The following PRKG1 variants were observed in gnomAD, a reference collection of about 807,000 sequenced individuals.
PRKG1 encodes the protein protein kinase cGMP-dependent 1, also known as cGMP-dependent protein kinase 1.
Under a neutral mutation model 88.1 loss-of-function variants are expected in PRKG1, and 35 were observed. That is an observed-to-expected ratio of 0.40 (90% CI 0.30 to 0.53). The LOEUF (loss-of-function observed/expected upper bound fraction) is 0.53, where lower values mean the gene tolerates loss of function less well. Ranked by LOEUF, PRKG1 falls within the 20% of genes least tolerant of loss-of-function variation. The probability of loss-of-function intolerance (pLI) is 0.59; values close to 1 mark genes in which losing one functional copy is unlikely to be tolerated. For missense variants in PRKG1, 540 were observed against 839.8 expected, an observed-to-expected ratio of 0.64 and a Z score of 4.41; for synonymous variants, 303 against 292.5, an observed-to-expected ratio of 1.04 and a Z score of -0.37.
intron 3 of PRKG1, among the ~76,000 whole-genome samples, chr10:51,561,246 T>C (rs1837453630): frequency 6.6e-6 from 1 of 151,932 alleles, no homozygotes; most frequent in Admixed American, 6.6e-5. Flanking sequence ...AAGAGAATCA[T>C]GTGAGCCTGG....
At chr10:51,647,368 G>A (rs555862858) in intron 3 of PRKG1, among the ~76,000 whole-genome samples, 7 of 152,268 alleles carry the variant, frequency 4.6e-5, no homozygotes, top group African/African-American at 1.7e-4. Context: ...AGGTTTGTAA[G>A]GACCTAATTC....
At chr10:51,483,229 C>T (rs1218923087) in intron 3 of PRKG1, among the ~76,000 whole-genome samples, 1 of 152,002 alleles carries the variant, frequency 6.6e-6, no homozygotes, top group Non-Finnish European at 1.5e-5. Context: ...ATTATGTTGG[C>T]CAGGCTAGTC....
intron 3 of PRKG1, among the ~76,000 whole-genome samples, chr10:51,739,455 C>A (rs1208253615): frequency 6.6e-6 from 1 of 152,074 alleles, no homozygotes; most frequent in Non-Finnish European, 1.5e-5. Context: ...TTATTATAAC[C>A]TCTTTGAATT....
At chr10:52,054,410 A>G (rs1846059670) in intron 5 of PRKG1, 74 bp from the exon 6 acceptor site, 1 of 1,060,846 alleles carries the variant, frequency 9.4e-7, no homozygotes, top group African/African-American at 1.6e-5. Context: ...CTGGGGGTTG[A>G]TATTTGAAGA....
chr10:51,136,265 A>G (rs1230239417), intron 1 of PRKG1, among the ~76,000 whole-genome samples: 1 of 152,016 alleles, frequency 6.6e-6, no homozygotes, highest in East Asian at 1.9e-4. Context: ...AAAGTCCTGG[A>G]GGAGAAGCAG....
At chr10:52,160,618 C>T (rs1440838155) in intron 8 of PRKG1, among the ~76,000 whole-genome samples, 2 of 151,874 alleles carry the variant, frequency 1.3e-5, no homozygotes, top group Admixed American at 1.3e-4. Context: ...ATGTCATGTT[C>T]CTCTTTATAG....
At chr10:51,778,336 A>G (rs1331590581) in intron 3 of PRKG1, among the ~76,000 whole-genome samples, 1 of 152,146 alleles carries the variant, frequency 6.6e-6, no homozygotes, top group Admixed American at 6.6e-5. Flanking sequence ...CTCCTGCTCA[A>G]TACTGACTAA....
chr10:51,653,210 C>A (rs1840082948), intron 3 of PRKG1, among the ~76,000 whole-genome samples: 1 of 152,022 alleles, frequency 6.6e-6, no homozygotes, highest in Admixed American at 6.6e-5. Flanking sequence ...ATTTCATTTC[C>A]TTTGGATATA....
At chr10:51,829,972 ATGT>A (rs1564664944) in intron 4 of PRKG1, among the ~76,000 whole-genome samples, 1 of 152,122 alleles carries the variant, frequency 6.6e-6, no homozygotes, top group East Asian at 1.9e-4. Flanking sequence ...AAAACTCATG[ATGT>A]TGATGAAACC....
At chr10:52,120,234 T>C (rs1488003888) in intron 7 of PRKG1, among the ~76,000 whole-genome samples, 2 of 152,278 alleles carry the variant, frequency 1.3e-5, no homozygotes, top group East Asian at 1.9e-4. Flanking sequence ...CTCAATACTG[T>C]TGCACTGGAG....
intron 3 of PRKG1, among the ~76,000 whole-genome samples, chr10:51,665,440 A>G (rs1840399805): frequency 1.3e-5 from 2 of 152,110 alleles, no homozygotes; most frequent in South Asian, 4.1e-4. Flanking sequence ...TTGCCTAGTT[A>G]TCTGAATCTT....
rs1294999180 is a variant in PRKG1 at position 51,818,976 on chromosome 10, CA to C, written c.698+14287del. Reference sequence around the variant, plus strand: ...GAGCCGAGATCCCGCCACTGCACTCCAGCCTGGGCGACAGAGCGAGACTCCG... The same window carrying C: ...GAGCCGAGATCCCGCCACTGCACTCCGCCTGGGCGACAGAGCGAGACTCCG... On this transcript the variant is annotated intron_variant, in intron 4 of 17. Coordinates refer to ENST00000373980, the MANE Select transcript of PRKG1 (RefSeq NM_006258.4). 6.0e-4 allele frequency among the ~76,000 whole-genome samples: 46 copies of C among 76,778 alleles called. 1 individual carries two copies. Among genetic ancestry groups the C allele is most frequent in the Non-Finnish European group, 5.9e-4 (29 of 49,080 alleles). 50.4% of individuals were successfully genotyped at this position (76,778 alleles called of 152,430 possible). A position where few individuals can be genotyped will look rare whatever the true frequency, so the allele number is the denominator to read the frequency against.
intron 3 of PRKG1, among the ~76,000 whole-genome samples, chr10:51,532,438 C>G (rs985255736): frequency 6.6e-6 from 1 of 152,170 alleles, no homozygotes; most frequent in Non-Finnish European, 1.5e-5. Context: ...CCCTTTCATT[C>G]CAACTCCTGA....
intron 3 of PRKG1, among the ~76,000 whole-genome samples, chr10:51,502,748 G>T (rs1312231464): frequency 6.6e-6 from 1 of 152,110 alleles, no homozygotes; most frequent in East Asian, 1.9e-4. Context: ...CCAGCAGATG[G>T]TATATCATGC....
rs151168021 is a variant in PRKG1, at chr10:51,046,816, A to G, written c.266+55172A>G. Among the ~76,000 whole-genome samples the G allele has an allele frequency of 2.6e-5, 4 of 152,338 alleles. No homozygotes were observed. In the East Asian group the frequency reaches 7.7e-4, roughly 29 times the overall value. On this transcript the variant is annotated intron_variant, in intron 1 of 17. Coordinates refer to the PRKG1 transcript ENST00000401604. ...AGAATGCTAAGAAGATTTGGAGAAT[A>G]TTAAGTACTCTTAATACTGTCGGGT...
chr10:52,266,314 G>A (rs1841568721), intron 10 of PRKG1, among the ~76,000 whole-genome samples: 1 of 151,348 alleles, frequency 6.6e-6, no homozygotes, highest in Admixed American at 6.6e-5. Context: ...TCAACCCATC[G>A]CCTGGTATTA....
chr10:51,475,807 A>C (rs1840175658), intron 3 of PRKG1, among the ~76,000 whole-genome samples: 1 of 152,028 alleles, frequency 6.6e-6, no homozygotes, highest in African/African-American at 2.4e-5. Flanking sequence ...AATCACTTTT[A>C]GATTTATTAA....
At chr10:51,973,780 A>G (rs1304347973) in intron 5 of PRKG1, among the ~76,000 whole-genome samples, 1 of 152,126 alleles carries the variant, frequency 6.6e-6, no homozygotes, top group South Asian at 2.1e-4. Flanking sequence ...CTCCCTAAAC[A>G]TAAACGGGCA....
chr10:51,783,344 T>G (rs1043602190), intron 3 of PRKG1, among the ~76,000 whole-genome samples: 2 of 152,072 alleles, frequency 1.3e-5, no homozygotes, highest in Non-Finnish European at 2.9e-5. Context: ...AGTGGCATGA[T>G]CTCAGGTCAC....
Sources: allele counts gnomAD v4.1 joint callset (sites outside exome capture counted in the v4.1 genomes callset), GRCh38; gene constraint gnomAD v4.1.1; transcripts MANE v1.5; gene names NCBI Gene and HGNC (gene_info 2026-07-23, HGNC 2026-07-21).